MIER2: variants seen among roughly 807,000 people sequenced by gnomAD.
MIER2 encodes mesoderm induction early response protein 2.
Under a neutral mutation model 67.6 loss-of-function variants are expected in MIER2, and 30 were observed. That is an observed-to-expected ratio of 0.44 (90% CI 0.33 to 0.60). The LOEUF (loss-of-function observed/expected upper bound fraction) is 0.60, where lower values mean the gene tolerates loss of function less well. Ranked by LOEUF, MIER2 falls within the 20% of genes least tolerant of loss-of-function variation. The pLI is 0.02. For missense variants in MIER2, 702 were observed against 745.1 expected, an observed-to-expected ratio of 0.94 and a Z score of 0.67; for synonymous variants, 372 against 312.6, an observed-to-expected ratio of 1.19 and a Z score of -2.00.
chr19:335,595 T>G (rs1433579992), intron 2 of MIER2, among the ~76,000 whole-genome samples: 1 of 152,170 alleles, frequency 6.6e-6, no homozygotes, highest in East Asian at 1.9e-4. Context: ...TAGAGACCCT[T>G]GCCCTACAGC....
At chr19:307,015 C>T (rs1282668297) in intron 13 of MIER2, 104 bp downstream of exon 13, 22 of 1,347,878 alleles carry the variant, frequency 1.6e-5, no homozygotes, top group Middle Eastern at 2.5e-4. Flanking sequence ...ACACTGTCCT[C>T]GGGTCCTTGG....
chr19:323,336 C>G lies in MIER2; in HGVS notation c.655+2299G>C, dbSNP rs1266430938. ...AAGACACATACAACCACGCAGACGA[C>G]TCGAATGACACAGACATCATCACAA... On this transcript the variant is annotated intron_variant, in intron 7 of 13. Coordinates refer to ENST00000264819, the MANE Select transcript of MIER2 (RefSeq NM_017550.3). 3.4e-5 allele frequency among the ~76,000 whole-genome samples: 5 copies of G among 146,854 alleles called. 1 individual carries two copies. Among genetic ancestry groups the G allele is most frequent in the Non-Finnish European group, 7.5e-5 (5 of 66,396 alleles).
chr19:308,563 TC>T lies in MIER2; in HGVS notation c.1198+13del. 1 of 1,585,136 alleles carries T rather than the reference TC, an allele frequency of 6.3e-7. No homozygotes were observed. Among genetic ancestry groups the T allele is most frequent in the Non-Finnish European group, 8.6e-7 (1 of 1,167,806 alleles). On this transcript the variant is annotated intron_variant, in intron 12 of 13. Transcript: ENST00000264819. The surrounding 1 kb of genome is among the most constrained non-coding windows in gnomAD (Gnocchi z 9.1). ...TGGCCGCCCCCAGGGCAGGAGATAC[TC>T]CCCAAGCCTCACCTGTGCGCATCCC...
At position 326,495 on chromosome 19, in the gene MIER2, A is replaced by C; in HGVS notation, c.585+12T>G. On this transcript the variant is annotated intron_variant, in intron 6 of 13. Transcript: ENST00000264819. ...CGGGATGCCAGGTTGGGGAGATGGC[A>C]GAACCACGTACCTTCTTACATTTGT... 6.2e-7 allele frequency: 1 copy of C among 1,612,280 alleles called. No individual in the cohort carries two copies.
intron 4 of MIER2, among the ~76,000 whole-genome samples, chr19:327,519 T>C (rs1330397265): frequency 6.6e-6 from 1 of 152,236 alleles, no homozygotes; most frequent in East Asian, 1.9e-4. Flanking sequence ...TCTCTGACTG[T>C]GCATTTGGTT....
chr19:336,173 C>A lies in MIER2; in HGVS notation c.10G>T (p.Ala4Ser). 6.2e-7 allele frequency: 1 copy of A among 1,612,372 alleles called. No homozygotes were observed. Among genetic ancestry groups the A allele is most frequent in the Non-Finnish European group, 8.5e-7 (1 of 1,179,034 alleles). Reference sequence around the variant, plus strand: ...GGACTCTGCCTCCCCAGCGAGGAGGCCTGCGAAGGAAGAGAGGCAGGGTTA... The same window carrying A: ...GGACTCTGCCTCCCCAGCGAGGAGGACTGCGAAGGAAGAGAGGCAGGGTTA... MAE[A>S]SSLGRQSPRV... Residue 4 changes from alanine (A) to serine (S), a missense_variant and splice_region_variant, in exon 2 of 14, where the codon GCC (alanine) becomes TCC (serine). By Grantham distance (99) the Ala-to-Ser change is moderately conservative (BLOSUM62 1). This residue lies in a region of MIER2 where 320 missense variants were observed against 292.6 expected (regional missense o/e 1.09). Transcript: ENST00000264819.
intron 10 of MIER2, among the ~76,000 whole-genome samples, chr19:309,223 C>T (rs1296815777): frequency 6.6e-6 from 1 of 152,084 alleles, no homozygotes; most frequent in African/African-American, 2.4e-5. Context: ...GACAAACGTA[C>T]CCTCCAGGCC....
At position 325,757 on chromosome 19, in the gene MIER2, G is replaced by A. The variant is rs761991296; in HGVS notation, c.586-53C>T. The A allele has an allele frequency of 5.2e-5, 84 of 1,602,010 alleles. 1 individual carries two copies. The highest frequency in any genetic ancestry group is 3.4e-4 in the South Asian group (31 of 90,826). On this transcript the variant is annotated intron_variant, in intron 6 of 13. Transcript: ENST00000264819. ...ACACTGAGGAGCATCTAGGCCGGGC[G>A]GGAGGCTGGCTGCAGCGTGCTGTGG...
chr19:344,790 T>G lies in MIER2; in HGVS notation c.-8A>C. On this transcript the variant is annotated 5_prime_UTR_variant, in exon 1 of 14. Transcript: ENST00000264819. ...CTCACTCACCTCCGCCATGGCCGTG[T>G]GTGCGCGGGAGGCGGTGGCCGCGCC... 1.7e-6 allele frequency: 2 copies of G among 1,197,358 alleles called. No individual in the cohort carries two copies. The highest frequency in any genetic ancestry group is 2.1e-6 in the Non-Finnish European group (2 of 965,804). The allele number at this position is 1,197,358 out of a possible 1,614,324, so 74.2% of individuals were successfully genotyped here. A position where few individuals can be genotyped will look rare whatever the true frequency, so the allele number is the denominator to read the frequency against.
At position 309,006 on chromosome 19, in the gene MIER2, G is replaced by A; in HGVS notation, c.985-81C>T. 3.3e-6 allele frequency: 5 copies of A among 1,537,668 alleles called. No homozygotes were observed. The Admixed American group carries it at 7.4e-5, about 23-fold the overall frequency. On this transcript the variant is annotated intron_variant, in intron 10 of 13. Transcript: ENST00000264819. ...GCACCACGATCCCAGGACGTCCTGGGACCCCGGGACAGCACAGAAGGAGCA... is the reference window on the plus strand; with the variant it reads ...GCACCACGATCCCAGGACGTCCTGGAACCCCGGGACAGCACAGAAGGAGCA...
intron 1 of MIER2, among the ~76,000 whole-genome samples, chr19:338,107 G>A (rs1324336187): frequency 7.0e-6 from 1 of 142,186 alleles, no homozygotes; most frequent in Non-Finnish European, 1.5e-5. Context: ...AGGAGGCAGA[G>A]GTTGCAGTGA....
Position 308,352 on chromosome 19 carries a change from C to T in MIER2, c.1198+225G>A, listed in dbSNP as rs114129621. Among the ~76,000 whole-genome samples the T allele has an allele frequency of 3.9e-3, 594 of 152,304 alleles. 4 individuals carry two copies. Among genetic ancestry groups the T allele is most frequent in the African/African-American group, 0.014 (569 of 41,574 alleles). On this transcript the variant is annotated intron_variant, in intron 12 of 13. Transcript: ENST00000264819. This position sits in a 1 kb window ranked among gnomAD's most constrained non-coding sequence, Gnocchi z 9.1. ...CAGCAGTGGGGCCACATGCACCCCT[C>T]CAGCAAGCCCAGAGGGTAAGCGTAA... is the stretch of plus-strand genomic sequence containing the variant.
rs1600112509 is a variant in MIER2 at position 310,620 on chromosome 19, A to AGCTGTAGAAACACG, written c.984+1224_984+1225insCGTGTTTCTACAGC. Among the ~76,000 whole-genome samples, 336 of 60,260 alleles carry AGCTGTAGAAACACG rather than the reference A, an allele frequency of 5.6e-3. 2 individuals carry two copies. The highest frequency in any genetic ancestry group is 0.014 in the African/African-American group (121 of 8,954). The allele number at this position is 60,260 out of a possible 152,430, so 39.5% of individuals were successfully genotyped here. ...ACACAGCCGGGAGCTATAGAAACAC[A>AGCTGTAGAAACACG]GCCCGGAGCTATAGAAACAGCCCAG... On this transcript the variant is annotated intron_variant, in intron 10 of 13. Transcript: ENST00000264819.
Position 308,870 on chromosome 19 carries a change from G to T in MIER2, c.1040C>A (p.Ser347Ter). 1 of 1,611,676 alleles carries T rather than the reference G, an allele frequency of 6.2e-7. No individual in the cohort carries two copies. Among genetic ancestry groups the T allele is most frequent in the Non-Finnish European group, 8.5e-7 (1 of 1,178,642 alleles). The change falls in exon 11 of 14, where the codon TCG (serine) becomes TAG (stop). Residue 347 changes from serine (S) to a stop codon, truncating the protein, a stop_gained. Coordinates refer to ENST00000264819, the MANE Select transcript of MIER2 (RefSeq NM_017550.3). LOFTEE classifies it high-confidence loss of function. This position sits in a 1 kb window ranked among gnomAD's most constrained non-coding sequence, Gnocchi z 9.1. ...CTGGGCGAAGTAGTCGTAGCGCTCC[G>T]ACTTCTTCCACAGGTAGTAGTACTC... ...CVEYYYLWKK[S>*]ERYDYFAQQT...
chr19:335,666 C>T (rs540074554), intron 2 of MIER2, among the ~76,000 whole-genome samples: 1 of 152,188 alleles, frequency 6.6e-6, no homozygotes, highest in Non-Finnish European at 1.5e-5. Context: ...GACCTTGATG[C>T]CCACTGGGCA....
intron 1 of MIER2, among the ~76,000 whole-genome samples, chr19:343,229 C>G (rs927995443): frequency 1.3e-5 from 2 of 152,220 alleles, no homozygotes; most frequent in Non-Finnish European, 2.9e-5. Flanking sequence ...CACATGGCAG[C>G]TCTGGGGGAG....
Position 308,977 on chromosome 19 carries a change from A to G in MIER2, c.985-52T>C, listed in dbSNP as rs1568214905. 1.1e-5 allele frequency: 18 copies of G among 1,570,640 alleles called. No individual in the cohort carries two copies. The highest frequency in any genetic ancestry group is 1.3e-5 in the Non-Finnish European group (15 of 1,152,480). On this transcript the variant is annotated intron_variant, in intron 10 of 13. Transcript: ENST00000264819. This position sits in a 1 kb window ranked among gnomAD's most constrained non-coding sequence, Gnocchi z 9.1. ...CTGTCCCCGGCTGCCCAGCCCCAGC[A>G]CCTGCACCACGATCCCAGGACGTCC... is the stretch of plus-strand genomic sequence containing the variant.
intron 7 of MIER2, among the ~76,000 whole-genome samples, chr19:313,925 G>A (rs140301662): frequency 1.5e-4 from 23 of 152,298 alleles, no homozygotes; most frequent in African/African-American, 5.5e-4. Context: ...AGGGGCGCCT[G>A]ATCCAGCCAA....
In MIER2 at chr19:329,471, T is replaced by C. The variant is rs543516210; in HGVS notation, c.244-1482A>G. Among the ~76,000 whole-genome samples the C allele has an allele frequency of 3.9e-5, 6 of 152,310 alleles. No homozygotes were observed. In the East Asian group the frequency reaches 1.2e-3, roughly 29 times the overall value. ...GCTTCATTGAGGCTTGCACTGATAG[T>C]GCAGCATTGGCAGCCGGCAAGAGCC... On this transcript the variant is annotated intron_variant, in intron 3 of 13. Coordinates refer to ENST00000264819, the MANE Select transcript of MIER2 (RefSeq NM_017550.3).
Sources: gnomAD v4.1 joint callset for allele counts (sites outside exome capture counted in the v4.1 genomes callset) on GRCh38, gnomAD v4.1.1 for gene constraint, gnomAD v4.1.1 regional missense constraint, Gnocchi (gnomAD v3.1) non-coding constraint, MANE v1.5 for transcripts, NCBI Gene and HGNC (gene_info 2026-07-23, HGNC 2026-07-21) for gene names.